The following TMEM39A variants were observed in gnomAD, a reference collection of about 807,000 sequenced individuals.
TMEM39A encodes transmembrane protein 39A, also known as suppressor of SQST-1 aggregates in rpl-43 mutants.
TMEM39A carries 19 observed loss-of-function variants against 51.9 expected under a neutral mutation model. The observed-to-expected ratio is 0.37, with a 90% CI of 0.26 to 0.54. TMEM39A has a LOEUF of 0.54. Ranked by LOEUF, TMEM39A falls within the 20% of genes least tolerant of loss-of-function variation. The pLI, the probability that TMEM39A is intolerant of heterozygous loss-of-function variation, is 0.88. For missense variants in TMEM39A, 433 were observed against 590.5 expected (o/e 0.73, Z 2.76); for synonymous variants, 197 against 220.2 (o/e 0.89, Z 0.93).
In TMEM39A at chr3:119,429,323, G is replaced by A. The variant is rs1175303419; in HGVS notation, c.*2658C>T. On this transcript the variant is annotated 3_prime_UTR_variant, in exon 9 of 9. Coordinates refer to ENST00000319172, the MANE Select transcript of TMEM39A (RefSeq NM_018266.3). ...GAATCAGAGTAAACAGGATATTGAG[G>A]AAAACTTCTGTCATGCTCATTCCTG... Among the ~76,000 whole-genome samples, 1 of 151,866 alleles carries A rather than the reference G, an allele frequency of 6.6e-6. No homozygotes were observed. The highest frequency in any genetic ancestry group is 1.5e-5 in the Non-Finnish European group (1 of 67,928).
At chr3:119,448,655 C>T (rs2081159190) in intron 4 of TMEM39A, among the ~76,000 whole-genome samples, 2 of 152,204 alleles carry the variant, frequency 1.3e-5, no homozygotes, top group South Asian at 4.1e-4. Context: ...TGGCACATAG[C>T]TTCATATAAC....
chr3:119,462,035 T>C lies in TMEM39A; in HGVS notation c.40A>G (p.Ser14Gly). 1.9e-6 allele frequency: 3 copies of C among 1,614,164 alleles called. No individual in the cohort carries two copies. Among genetic ancestry groups the C allele is most frequent in the Non-Finnish European group, 2.5e-6 (3 of 1,180,010 alleles). Residue 14 changes from serine (S) to glycine (G), a missense_variant, in exon 2 of 9, where the codon AGC (serine) becomes GGC (glycine). Physicochemically the swap from Ser to Gly is moderately conservative, Grantham distance 56. This residue lies in a region of TMEM39A where 170 missense variants were observed against 239.8 expected (regional missense o/e 0.71). Transcript: ENST00000319172. ...TGCAAAGAAGGTAAAGCTGAACGGC[T>C]TAGCTGTTGCCGACTAGGGCCCCTC... ...GRRGPSRQQL[S>G]RSALPSLQTL...
intron 4 of TMEM39A, among the ~76,000 whole-genome samples, chr3:119,450,540 G>A (rs2081184217): frequency 6.6e-6 from 1 of 152,060 alleles, no homozygotes; most frequent in African/African-American, 2.4e-5. Flanking sequence ...TGCAAGCCTT[G>A]GCCAGGCACT....
rs550428909 is a variant in TMEM39A, at chr3:119,456,054, C to T, written c.336+1964G>A. Among the ~76,000 whole-genome samples the T allele has an allele frequency of 1.3e-3, 202 of 152,180 alleles. 1 individual carries two copies. The highest frequency in any genetic ancestry group is 5.3e-4 in the Non-Finnish European group (36 of 68,010). On this transcript the variant is annotated intron_variant, in intron 3 of 8. Transcript: ENST00000319172. ...CATATATAAAATGGGAGTCATATAA[C>T]GGTACCAACCCATTTTTATAAAGAG... is the stretch of plus-strand genomic sequence containing the variant.
chr3:119,438,067 T>C lies in TMEM39A; in HGVS notation c.612A>G (p.Gln204=), dbSNP rs898784656. The C allele has an allele frequency of 6.3e-7, 1 of 1,596,664 alleles. No homozygotes were observed. The highest frequency in any genetic ancestry group is 8.6e-7 in the Non-Finnish European group (1 of 1,165,266). The change falls in exon 6 of 9, where the codon CAA becomes CAG. Residue 204 remains glutamine, a synonymous_variant. Transcript: ENST00000319172. ...GVYVPLCCFH[Q]DSRAHLLLTD... ...TGAGAAGAAGATGTGCTCTACTATC[T>C]TGATGAAAACAGCAAAGAGGAACAT...
At chr3:119,439,349 G>C (rs930654934) in intron 5 of TMEM39A, among the ~76,000 whole-genome samples, 18 of 152,128 alleles carry the variant, frequency 1.2e-4, no homozygotes, top group African/African-American at 4.1e-4. Flanking sequence ...GGGAGGCCAA[G>C]GCGAGCAGGT....
At chr3:119,462,223 A>G (rs2081348059) in intron 1 of TMEM39A, 75 bp from the exon 2 acceptor site, 1 of 602,090 alleles carries the variant, frequency 1.7e-6, no homozygotes, top group South Asian at 2.0e-5. Context: ...ACAAACACTG[A>G]GTAAGCAGGC....
chr3:119,436,874 A>G lies in TMEM39A; in HGVS notation c.1029T>C (p.Cys343=). ...LTTQLLPSKY[C]DLLHKSAAHL... ...GAGCAGCTGATTTATGTAGCAAATC[A>G]CAGTATTTGGATGGCAACAGTTGCG... Residue 343 remains cysteine, a synonymous_variant, in exon 7 of 9, where the codon TGT becomes TGC. Transcript: ENST00000319172. The G allele has an allele frequency of 1.9e-6, 3 of 1,614,092 alleles. No individual in the cohort carries two copies. Among genetic ancestry groups the G allele is most frequent in the South Asian group, 1.1e-5 (1 of 91,080 alleles).
chr3:119,430,744 C>G lies in TMEM39A; in HGVS notation c.*1237G>C, dbSNP rs2080887693. 6.6e-6 allele frequency: 1 copy of G among 152,140 alleles called. No individual in the cohort carries two copies. The highest frequency in any genetic ancestry group is 6.6e-5 in the Admixed American group (1 of 15,266). The allele number at this position is 152,140 out of a possible 1,614,324, so 9.4% of individuals were successfully genotyped here. A position where few individuals can be genotyped will look rare whatever the true frequency, so the allele number is the denominator to read the frequency against. ...TTGGTGAAGCCTTTCAGGAACTCTT[C>G]TGCAAGAATTATTTTCAGAGCCAGC... On this transcript the variant is annotated 3_prime_UTR_variant, in exon 9 of 9. Coordinates refer to ENST00000319172, the MANE Select transcript of TMEM39A (RefSeq NM_018266.3).
intron 7 of TMEM39A, chr3:119,435,579 A>C (rs879328638): frequency 5.9e-6 from 4 of 672,468 alleles, no homozygotes; most frequent in Non-Finnish European, 7.3e-6. Context: ...AAGCTTTTTA[A>C]AAAAAAAAAA....
At chr3:119,437,028 G>A in intron 6 of TMEM39A, 50 bp from the exon 7 acceptor site, 1 of 1,546,546 alleles carries the variant, frequency 6.5e-7, no homozygotes, top group Non-Finnish European at 8.8e-7. Context: ...GGTAAAAAGA[G>A]GCAGGGATGG....
intron 7 of TMEM39A, chr3:119,435,226 C>T (rs2080952348): frequency 1.0e-6 from 1 of 985,338 alleles, no homozygotes; most frequent in African/African-American, 1.7e-5. Flanking sequence ...GCAGAGTCTA[C>T]TGGTGGAAAT....
intron 5 of TMEM39A, among the ~76,000 whole-genome samples, chr3:119,442,083 G>A (rs550908877): frequency 6.6e-6 from 1 of 152,224 alleles, no homozygotes; most frequent in African/African-American, 2.4e-5. Flanking sequence ...GCTCACGCCT[G>A]TAATCCCAGC....
rs1348750614 is a variant in TMEM39A, at chr3:119,437,895, T to G, written c.784A>C (p.Ser262Arg). ...ATGAGGTCTGGAGATAGGGGACAAC[T>G]GTGGGTGGGGATGGGTGTGGCATTA... ...FNNATPIPTH[S>R]CPLSPDLIRN... is the part of the protein sequence containing the mutation. The change falls in exon 6 of 9, where the codon AGT becomes CGT. Residue 262 changes from serine to arginine, a missense_variant. By Grantham distance (110) the Ser-to-Arg change is moderately radical. Around this residue, in one of 3 missense-constraint regions of TMEM39A, gnomAD observed 223 missense variants for 328.1 expected, o/e 0.68. Coordinates refer to ENST00000319172, the MANE Select transcript of TMEM39A (RefSeq NM_018266.3). 1 of 1,613,674 alleles carries G rather than the reference T, an allele frequency of 6.2e-7. No homozygotes were observed. The highest frequency in any genetic ancestry group is 1.7e-4 in the Middle Eastern group (1 of 6,060).
intron 5 of TMEM39A, among the ~76,000 whole-genome samples, chr3:119,444,787 G>A (rs978821710): frequency 6.6e-6 from 1 of 152,168 alleles, no homozygotes; most frequent in Admixed American, 6.6e-5. Flanking sequence ...AGGTGATGCT[G>A]ATGCTGCTGT....
chr3:119,449,606 G>A (rs2081172584), intron 4 of TMEM39A, among the ~76,000 whole-genome samples: 1 of 152,092 alleles, frequency 6.6e-6, no homozygotes, highest in South Asian at 2.1e-4. Flanking sequence ...TGGGCGACAA[G>A]AGCAAAACTC....
At chr3:119,453,523 G>A (rs1028182572) in intron 3 of TMEM39A, among the ~76,000 whole-genome samples, 1 of 152,140 alleles carries the variant, frequency 6.6e-6, no homozygotes, top group East Asian at 1.9e-4. Flanking sequence ...TTTAGCCAAG[G>A]GATGAGTGAA....
rs199624681 is a variant in TMEM39A at position 119,437,743 on chromosome 3, A to G, written c.924+12T>C. 912 of 1,511,390 alleles carry G rather than the reference A, an allele frequency of 6.0e-4. 3 individuals are homozygous for G. Among genetic ancestry groups the G allele is most frequent in the South Asian group, 1.6e-3 (122 of 76,432 alleles). The allele number at this position is 1,511,390 out of a possible 1,614,324, so 93.6% of individuals were successfully genotyped here. On this transcript the variant is annotated intron_variant, in intron 6 of 8. Coordinates refer to ENST00000319172, the MANE Select transcript of TMEM39A (RefSeq NM_018266.3). ...AATCCAGGAAGCACATAAAAGTAAG[A>G]TAACCACTTACCTTCACAAAACACA... is the stretch of plus-strand genomic sequence containing the variant.
Position 119,438,029 on chromosome 3 carries a change from T to C in TMEM39A, c.650A>G (p.Tyr217Cys), listed in dbSNP as rs746099376. 27 of 1,613,624 alleles carry C rather than the reference T, an allele frequency of 1.7e-5. No homozygotes were observed. The highest frequency in any genetic ancestry group is 2.2e-5 in the South Asian group (2 of 91,064). The stretch of plus-strand genomic sequence containing the variant: ...CTCTACTGCCTCGTGCTGAACCACA[T>C]AGTTGTAGTCTGTGAGAAGAAGATG... Reference protein sequence around the residue: ...RAHLLLTDYNYVVQHEAVEES... With the variant: ...RAHLLLTDYNCVVQHEAVEES... The change falls in exon 6 of 9, where the codon TAT becomes TGT. Residue 217 changes from tyrosine (Y) to cysteine (C), a missense_variant. Physicochemically the swap from Tyr to Cys is radical, Grantham distance 194. Coordinates refer to ENST00000319172, the MANE Select transcript of TMEM39A (RefSeq NM_018266.3).
Sources: gnomAD v4.1 joint callset for allele counts (sites outside exome capture counted in the v4.1 genomes callset) on GRCh38, gnomAD v4.1.1 for gene constraint, gnomAD v4.1.1 regional missense constraint, MANE v1.5 for transcripts, NCBI Gene and HGNC (gene_info 2026-07-23, HGNC 2026-07-21) for gene names.